ME1: variants seen among roughly 807,000 people sequenced by gnomAD.
ME1 encodes the protein NADP-dependent malic enzyme.
ME1 carries 74 observed loss-of-function variants against 66.4 expected under a neutral mutation model. The ratio of observed to expected loss-of-function variants is 1.11; its 90% CI spans 0.92 to 1.35. The LOEUF is 1.35. Ranked by LOEUF, ME1 falls within the 40% of genes most tolerant of loss-of-function variation. ME1 has a pLI of 0.00. For synonymous variants in ME1, 251 were observed against 235.6 expected (o/e 1.07, Z -0.60); for missense variants, 750 against 694.1 (o/e 1.08, Z -0.90).
chr6:83,358,210 G>C (rs904686085), intron 3 of ME1, among the ~76,000 whole-genome samples: 23 of 151,734 alleles, frequency 1.5e-4, no homozygotes, highest in Admixed American at 1.3e-3. Flanking sequence ...CATAGTCCTT[G>C]GCGTGAACTG....
At position 83,308,218 on chromosome 6, in the gene ME1, C is replaced by T. The variant is rs17230740; in HGVS notation, c.704+7092G>A. Among the ~76,000 whole-genome samples, 782 of 152,108 alleles carry T rather than the reference C, an allele frequency of 5.1e-3. 4 individuals are homozygous for T. Among genetic ancestry groups the T allele is most frequent in the Non-Finnish European group, 8.4e-3 (573 of 67,974 alleles). On this transcript the variant is annotated intron_variant, in intron 6 of 13. Coordinates refer to ENST00000369705, the MANE Select transcript of ME1 (RefSeq NM_002395.6). ...TATAATAACTACGTTTGTGGCCATT[C>T]CTAGTGCTTCCCAATAACTTTTAAT...
chr6:83,349,784 T>G (rs1768763336), intron 4 of ME1, among the ~76,000 whole-genome samples: 1 of 152,216 alleles, frequency 6.6e-6, no homozygotes, highest in Non-Finnish European at 1.5e-5. Flanking sequence ...TTACAGTAAT[T>G]TGATTACCCC....
At chr6:83,263,765 TAACATAACATAACATAACATAAC>T in intron 6 of ME1, among the ~76,000 whole-genome samples, 1 of 846 alleles carries the variant, frequency 1.2e-3, no homozygotes, top group Admixed American at 0.01. Context: ...TAACATAACA[TAACATAACATAACATAACATAAC>T]ATAACATAAC....
intron 3 of ME1, among the ~76,000 whole-genome samples, chr6:83,359,349 T>C (rs2128545626): frequency 6.6e-6 from 1 of 152,240 alleles, no homozygotes; most frequent in Admixed American, 6.5e-5. Context: ...AGGAGGTGCG[T>C]TATGCTTGAA....
chr6:83,373,843 A>G (rs1769239491), intron 3 of ME1, among the ~76,000 whole-genome samples: 1 of 152,064 alleles, frequency 6.6e-6, no homozygotes, highest in African/African-American at 2.4e-5. Context: ...CCTACTTATA[A>G]ATGAGAATAT....
At chr6:83,315,724 C>T (rs1429937195) in intron 5 of ME1, among the ~76,000 whole-genome samples, 3 of 152,004 alleles carry the variant, frequency 2.0e-5, no homozygotes, top group Non-Finnish European at 2.9e-5. Context: ...ACAGTGAAAC[C>T]CTGTCTCTAC....
intron 5 of ME1, among the ~76,000 whole-genome samples, chr6:83,339,890 C>T (rs1465089384): frequency 2.3e-5 from 3 of 130,430 alleles, no homozygotes; most frequent in Non-Finnish European, 4.8e-5. Context: ...TTAGTGGGTG[C>T]AGCGCACCAG....
At chr6:83,419,960 T>A (rs1450318403) in intron 1 of ME1, among the ~76,000 whole-genome samples, 1 of 152,228 alleles carries the variant, frequency 6.6e-6, no homozygotes, top group Non-Finnish European at 1.5e-5. Flanking sequence ...GGAAGTATCA[T>A]GTGAAATGTG....
intron 6 of ME1, among the ~76,000 whole-genome samples, chr6:83,290,923 G>A (rs1173641282): frequency 6.6e-6 from 1 of 152,042 alleles, no homozygotes; most frequent in Non-Finnish European, 1.5e-5. Flanking sequence ...TGTTTTATCA[G>A]AGACCAGGAT....
At chr6:83,350,132 C>A (rs1768770358) in intron 4 of ME1, among the ~76,000 whole-genome samples, 2 of 152,082 alleles carry the variant, frequency 1.3e-5, no homozygotes, top group South Asian at 4.1e-4. Context: ...GTATATAGTA[C>A]AGACCATATA....
chr6:83,307,888 T>C (rs903650693), intron 6 of ME1, among the ~76,000 whole-genome samples: 1 of 152,074 alleles, frequency 6.6e-6, no homozygotes, highest in Non-Finnish European at 1.5e-5. Context: ...ATTAAAGAAA[T>C]AAATTTAGTA....
chr6:83,405,633 C>T lies in ME1; in HGVS notation c.212+2135G>A, dbSNP rs1365435345. 2.6e-5 allele frequency among the ~76,000 whole-genome samples: 4 copies of T among 151,856 alleles called. No homozygotes were observed. In the South Asian group the frequency reaches 6.2e-4, roughly 24 times the overall value. ...TTTCGCCCACTCAGTATGATATTGG[C>T]TGTGGGTTTGTCATAAACAGCTCTT... On this transcript the variant is annotated intron_variant, in intron 2 of 13. Coordinates refer to ENST00000369705, the MANE Select transcript of ME1 (RefSeq NM_002395.6).
In ME1 at chr6:83,424,584, A is replaced by C. The variant is rs1770333348; in HGVS notation, c.78+6293T>G. ...TTGTCAAAAATTGGCAATGGCTACA[A>C]GCAAACCTGACTGATTAGATCATTA... On this transcript the variant is annotated intron_variant, in intron 1 of 13. Transcript: ENST00000369705. Among the ~76,000 whole-genome samples, 5 of 152,336 alleles carry C rather than the reference A, an allele frequency of 3.3e-5. No homozygotes were observed. In the South Asian group the frequency reaches 1.0e-3, roughly 32 times the overall value.
chr6:83,397,297 G>C (rs1200020459), intron 3 of ME1, among the ~76,000 whole-genome samples: 2 of 152,054 alleles, frequency 1.3e-5, no homozygotes, highest in African/African-American at 4.8e-5. Context: ...CAAATAACCT[G>C]TTCTTAAAAT....
intron 5 of ME1, among the ~76,000 whole-genome samples, chr6:83,320,332 T>C (rs975474253): frequency 3.9e-5 from 6 of 152,244 alleles, no homozygotes; most frequent in Non-Finnish European, 7.3e-5. Context: ...TCACACTTGT[T>C]GTCCTGTTGT....
chr6:83,420,677 C>G (rs13215909), intron 1 of ME1, among the ~76,000 whole-genome samples: 54,013 of 152,008 alleles, frequency 0.36, 10,010 homozygotes, highest in Middle Eastern at 0.49. Flanking sequence ...GATGTGAACT[C>G]CTGAGAGGTT....
chr6:83,262,568 G>C (rs536811085), intron 6 of ME1, among the ~76,000 whole-genome samples: 7 of 152,052 alleles, frequency 4.6e-5, no homozygotes, highest in Non-Finnish European at 1.0e-4. Flanking sequence ...ATTTCTAAAA[G>C]CCAGCAACTT....
At chr6:83,312,597 G>A (rs924327097) in intron 6 of ME1, among the ~76,000 whole-genome samples, 1 of 152,160 alleles carries the variant, frequency 6.6e-6, no homozygotes, top group African/African-American at 2.4e-5. Context: ...AAGAGAGGGA[G>A]GTTGATGGGC....
At chr6:83,305,838 TTTAA>T (rs1343204226) in intron 6 of ME1, among the ~76,000 whole-genome samples, 3 of 152,222 alleles carry the variant, frequency 2.0e-5, no homozygotes, top group Admixed American at 6.5e-5. Context: ...AGTTTGCCTC[TTTAA>T]TTATTCTTTT....
Sources: gnomAD v4.1 joint callset for allele counts (sites outside exome capture counted in the v4.1 genomes callset) on GRCh38, gnomAD v4.1.1 for gene constraint, MANE v1.5 for transcripts, NCBI Gene and HGNC (gene_info 2026-07-23, HGNC 2026-07-21) for gene names.